PPFIA1: variants seen among roughly 807,000 people sequenced by gnomAD.
PPFIA1 encodes the protein liprin-alpha-1.
Under a neutral mutation model 149.9 loss-of-function variants are expected in PPFIA1, and 25 were observed. The ratio of observed to expected loss-of-function variants is 0.17; its 90% CI spans 0.12 to 0.23. The LOEUF (loss-of-function observed/expected upper bound fraction) is 0.23, where lower values mean the gene tolerates loss of function less well. Among genes scored for constraint, PPFIA1 ranks in the 10% least tolerant of loss-of-function variants. The pLI, the probability that PPFIA1 is intolerant of heterozygous loss-of-function variation, is 1.00. For synonymous variants in PPFIA1, 549 were observed against 552.8 expected, an observed-to-expected ratio of 0.99 and a Z score of 0.10; for missense variants, 1,362 against 1,506.5, an observed-to-expected ratio of 0.90 and a Z score of 1.59.
intron 2 of PPFIA1, among the ~76,000 whole-genome samples, chr11:70,317,709 G>A (rs2053717694): frequency 6.6e-6 from 1 of 152,146 alleles, no homozygotes. Context: ...GTTTGTGCAT[G>A]AGTGAAGGTG....
chr11:70,319,656 A>C (rs2053823829), intron 2 of PPFIA1, among the ~76,000 whole-genome samples: 1 of 152,140 alleles, frequency 6.6e-6, no homozygotes, highest in African/African-American at 2.4e-5. Context: ...TTCTGTTCAG[A>C]GTCCTCAAAG....
In PPFIA1 at chr11:70,330,195, T is replaced by C. The variant is rs779461821; in HGVS notation, c.953T>C (p.Met318Thr). Residue 318 changes from methionine (M) to threonine (T), a missense_variant, in exon 8 of 28, where the codon ATG becomes ACG. Physicochemically the swap from Met to Thr is moderately conservative, Grantham distance 81 (BLOSUM62 -1). Transcript: ENST00000253925. The part of the protein sequence containing the change: ...VREAMAQKED[M>T]EERITTLEKR... ...TAGGCCATGGCCCAAAAGGAAGATA[T>C]GGAAGAGAGAATCACTACTCTTGAA... 19 of 1,600,158 alleles carry C rather than the reference T, an allele frequency of 1.2e-5. No homozygotes were observed. The highest frequency in any genetic ancestry group is 1.4e-5 in the Non-Finnish European group (17 of 1,174,996).
intron 8 of PPFIA1, among the ~76,000 whole-genome samples, chr11:70,331,248 A>G (rs972140425): frequency 2.0e-5 from 3 of 151,632 alleles, no homozygotes; most frequent in Non-Finnish European, 4.4e-5. Context: ...AAAAAAAAAA[A>G]GGCAGTGAAG....
intron 2 of PPFIA1, among the ~76,000 whole-genome samples, chr11:70,319,345 TCAC>T (rs1404174737): frequency 3.3e-5 from 5 of 152,264 alleles, no homozygotes; most frequent in African/African-American, 9.6e-5. Flanking sequence ...ACTTCTGGCC[TCAC>T]CTTCTCACAG....
chr11:70,345,822 T>A, intron 15 of PPFIA1: 1 of 230,226 alleles, frequency 4.3e-6, no homozygotes, highest in Non-Finnish European at 9.1e-6. Context: ...GTGAGATCTG[T>A]CTCAAAAAAT....
chr11:70,372,434 C>G (rs778989293), intron 22 of PPFIA1, 43 bp from the exon 23 acceptor site: 1 of 1,612,438 alleles, frequency 6.2e-7, no homozygotes, highest in South Asian at 1.1e-5. Flanking sequence ...TAAGATTTTT[C>G]ACTGTTACCA....
chr11:70,332,572 A>T lies in PPFIA1; in HGVS notation c.1212+478A>T, dbSNP rs143638641. Among the ~76,000 whole-genome samples, 415 of 152,320 alleles carry T rather than the reference A, an allele frequency of 2.7e-3. 1 individual carries two copies. The highest frequency in any genetic ancestry group is 9.7e-3 in the African/African-American group (404 of 41,578). On this transcript the variant is annotated intron_variant, in intron 9 of 27. Transcript: ENST00000253925. ...TGAAATTACTTAAAAATGTGTTTTT[A>T]AGTAATATTTATTCATTTGTCCAAC...
In PPFIA1 at chr11:70,271,219, G is replaced by A. The variant is rs374075817; in HGVS notation, c.-1+305G>A. Reference sequence around the variant, plus strand: ...AGCCCTGGCCCGAGCGGGCTCCGTTGTCAACGGTCCTCACCCCCCGGGGTT... The same window carrying A: ...AGCCCTGGCCCGAGCGGGCTCCGTTATCAACGGTCCTCACCCCCCGGGGTT... On this transcript the variant is annotated intron_variant, in intron 1 of 27. Coordinates refer to ENST00000253925, the MANE Select transcript of PPFIA1 (RefSeq NM_003626.5). 3.1e-4 allele frequency: 47 copies of A among 152,354 alleles called. 1 individual carries two copies. The highest frequency in any genetic ancestry group is 1.1e-3 in the African/African-American group (45 of 41,574). The allele number at this position is 152,354 out of a possible 1,614,324, so 9.4% of individuals were successfully genotyped here.
At chr11:70,286,098 T>C (rs12274436) in intron 2 of PPFIA1, among the ~76,000 whole-genome samples, 34,138 of 152,004 alleles carry the variant, frequency 0.22, 5,919 homozygotes, top group African/African-American at 0.48. Flanking sequence ...TCTTGGCCAC[T>C]GTGCCTCGCA....
intron 2 of PPFIA1, among the ~76,000 whole-genome samples, chr11:70,306,239 G>T (rs950174407): frequency 2.0e-5 from 3 of 151,738 alleles, no homozygotes; most frequent in Admixed American, 2.0e-4. Flanking sequence ...TTTTGTTAAG[G>T]CACAAAAATC....
In PPFIA1 at chr11:70,378,318, A is replaced by C. The variant is rs991192295; in HGVS notation, c.3550+123A>C. On this transcript the variant is annotated intron_variant, in intron 26 of 27. Transcript: ENST00000253925. ...TTACAAGGCACTTGAGTATGGTTGC[A>C]TGTCCAAATATAAATGTTTTTAAAT... The C allele has an allele frequency of 7.3e-6, 10 of 1,364,456 alleles. No individual in the cohort carries two copies. The East Asian group carries it at 2.6e-4, about 35-fold the overall frequency. 84.5% of individuals were successfully genotyped at this position (1,364,456 alleles called of 1,614,324 possible). A position where few individuals can be genotyped will look rare whatever the true frequency, so the allele number is the denominator to read the frequency against.
chr11:70,330,457 T>C lies in PPFIA1; in HGVS notation c.1077+138T>C, dbSNP rs2054585841. The C allele has an allele frequency of 7.4e-6, 5 of 675,922 alleles. No homozygotes were observed. In the Admixed American group the frequency reaches 1.2e-4, roughly 16 times the overall value. The allele number at this position is 675,922 out of a possible 1,614,324, so 41.9% of individuals were successfully genotyped here. On this transcript the variant is annotated intron_variant, in intron 8 of 27. Transcript: ENST00000253925. Reference sequence around the variant, plus strand: ...ACCTTAGAATATTATGTTCAAGACATGTGGGAGTTCCTTCAGTTTAGAGGT... The same window carrying C: ...ACCTTAGAATATTATGTTCAAGACACGTGGGAGTTCCTTCAGTTTAGAGGT...
At chr11:70,308,676 A>C (rs563905777) in intron 2 of PPFIA1, among the ~76,000 whole-genome samples, 94 of 152,284 alleles carry the variant, frequency 6.2e-4, no homozygotes, top group African/African-American at 2.1e-3. Context: ...TCATGCCTGT[A>C]ATCCCAGCAT....
chr11:70,351,275 C>A (rs1416092257), intron 16 of PPFIA1, among the ~76,000 whole-genome samples: 1 of 152,200 alleles, frequency 6.6e-6, no homozygotes, highest in Non-Finnish European at 1.5e-5. Context: ...GCCTTCTGAT[C>A]ATTACATGCT....
At chr11:70,328,869 G>A (rs1045073359) in intron 7 of PPFIA1, among the ~76,000 whole-genome samples, 1 of 152,118 alleles carries the variant, frequency 6.6e-6, no homozygotes, top group African/African-American at 2.4e-5. Context: ...TTTAGACTTT[G>A]CTAACTTTAG....
At chr11:70,324,120 C>T (rs937544205) in intron 2 of PPFIA1, among the ~76,000 whole-genome samples, 3 of 152,236 alleles carry the variant, frequency 2.0e-5, no homozygotes, top group Admixed American at 6.5e-5. Context: ...ATGTTTTGGA[C>T]TTCTCTGGCT....
At position 70,270,741 on chromosome 11, in the gene PPFIA1, C is replaced by G. The variant is rs527833291; in HGVS notation, c.-174C>G. 5.3e-5 allele frequency: 8 copies of G among 150,652 alleles called. No individual in the cohort carries two copies. The highest frequency in any genetic ancestry group is 1.9e-4 in the African/African-American group (8 of 41,188). The allele number at this position is 150,652 out of a possible 1,614,324, so 9.3% of individuals were successfully genotyped here. On this transcript the variant is annotated 5_prime_UTR_variant, in exon 1 of 28. Transcript: ENST00000253925. ...CGCTCCTCCTCCGCTCCGCCAGTGT[C>G]CGGCCGCGGGCCGGCCTTAGTGACT... is the stretch of plus-strand genomic sequence containing the variant.
rs549994177 is a variant in PPFIA1, at chr11:70,382,261, C to G, written c.*12+103C>G. 5.2e-6 allele frequency: 4 copies of G among 768,444 alleles called. No homozygotes were observed. In the South Asian group the frequency reaches 5.5e-5, roughly 11 times the overall value. The allele number at this position is 768,444 out of a possible 1,614,324, so 47.6% of individuals were successfully genotyped here. On this transcript the variant is annotated intron_variant, in intron 27 of 27. Coordinates refer to ENST00000253925, the MANE Select transcript of PPFIA1 (RefSeq NM_003626.5). ...GGGGTGTGGACCATGAAAGCCAGTG[C>G]AGTTTTTGGGGAATTTAAAATATAT... is the stretch of plus-strand genomic sequence containing the variant.
chr11:70,273,174 G>T (rs184312125), intron 2 of PPFIA1, among the ~76,000 whole-genome samples: 1 of 152,292 alleles, frequency 6.6e-6, no homozygotes, highest in African/African-American at 2.4e-5. Flanking sequence ...GCTACTCAGA[G>T]GCTGAGGCAT....
Sources: allele counts gnomAD v4.1 joint callset (sites outside exome capture counted in the v4.1 genomes callset), GRCh38; gene constraint gnomAD v4.1.1; transcripts MANE v1.5; gene names NCBI Gene and HGNC (gene_info 2026-07-23, HGNC 2026-07-21).